Variants in MYH4 observed in about 807,000 individuals in gnomAD.
MYH4 encodes the protein myosin heavy chain 4.
A neutral mutation model predicts 229.9 loss-of-function variants in MYH4; 200 were observed. The ratio of observed to expected loss-of-function variants is 0.87; its 90% CI spans 0.78 to 0.98. MYH4 has a LOEUF of 0.98. MYH4 is among the 50% of genes least tolerant of loss of function. The pLI, the probability that MYH4 is intolerant of heterozygous loss-of-function variation, is 0.00. For missense variants in MYH4, 2,148 were observed against 2,332.6 expected (o/e 0.92, Z 1.63); for synonymous variants, 761 against 834.6 (o/e 0.91, Z 1.52).
chr17:10,459,380 C>T lies in MYH4; in HGVS notation c.1458G>A (p.Glu486=). 6.2e-7 allele frequency: 1 copy of T among 1,614,182 alleles called. No individual in the cohort carries two copies. Among genetic ancestry groups the T allele is most frequent in the Non-Finnish European group, 8.5e-7 (1 of 1,180,046 alleles). ...GGTGGTTGAAAAACTGTTGCAGTTT[C>T]TCGTTGGTGAAGTTGATGCACAGCT... ...LEQLCINFTN[E]KLQQFFNHHM... is the part of the protein sequence containing the mutation. Residue 486 remains glutamate (E), a synonymous_variant, in exon 15 of 40, where the codon GAG becomes GAA. Transcript: ENST00000255381.
At position 10,452,070 on chromosome 17, in the gene MYH4, A is replaced by G. The variant is rs781401443; in HGVS notation, c.3609T>C (p.Ser1203=). Residue 1203 remains serine (S), a synonymous_variant, in exon 27 of 40, where the codon AGT becomes AGC. Transcript: ENST00000255381. ...CAATCTGCTCCCCAAGCTCAGCCAC[A>G]CTATCTGCGTGCTTCTTCCGAAGAG... ...AAALRKKHAD[S]VAELGEQIDS... The G allele has an allele frequency of 5.6e-6, 9 of 1,613,820 alleles. No individual in the cohort carries two copies. In the South Asian group the frequency reaches 8.8e-5, roughly 16 times the overall value.
At chr17:10,462,672 C>A (rs1289510174) in intron 11 of MYH4, among the ~76,000 whole-genome samples, 193 bp downstream of exon 11, 2 of 152,170 alleles carry the variant, frequency 1.3e-5, no homozygotes, top group Non-Finnish European at 2.9e-5. Context: ...TTATTACAGG[C>A]AGTGAAAGCT....
chr17:10,462,366 A>G (rs1241114472), intron 11 of MYH4, among the ~76,000 whole-genome samples: 9 of 152,198 alleles, frequency 5.9e-5, no homozygotes, highest in Non-Finnish European at 1.3e-4. Flanking sequence ...GTGTTTTTGA[A>G]GTAGACAACC....
At position 10,460,969 on chromosome 17, in the gene MYH4, A is replaced by G. The variant is rs2072695590; in HGVS notation, c.1094T>C (p.Met365Thr). The change falls in exon 12 of 40, where the codon ATG (methionine) becomes ACG (threonine). Residue 365 changes from methionine to threonine, a missense_variant. Transcript: ENST00000255381. ...TTCCCTTTGCTTTTGCTTGAATTTCATGTTCCCATAATGCATCACGGCTCC... is the reference window on the plus strand; with the variant it reads ...TTCCCTTTGCTTTTGCTTGAATTTCGTGTTCCCATAATGCATCACGGCTCC... ...LTGAVMHYGN[M>T]KFKQKQREEQ... is the part of the protein sequence containing the mutation. 2.5e-6 allele frequency: 4 copies of G among 1,613,964 alleles called. No individual in the cohort carries two copies. Among genetic ancestry groups the G allele is most frequent in the Non-Finnish European group, 3.4e-6 (4 of 1,179,972 alleles).
At position 10,454,664 on chromosome 17, in the gene MYH4, T is replaced by G. The variant is rs1435235029; in HGVS notation, c.2582A>C (p.Glu861Ala). 3 of 1,614,236 alleles carry G rather than the reference T, an allele frequency of 1.9e-6. No homozygotes were observed. Among genetic ancestry groups the G allele is most frequent in the Non-Finnish European group, 2.5e-6 (3 of 1,180,040 alleles). The change falls in exon 22 of 40, where the codon GAG (glutamate) becomes GCG (alanine). Residue 861 changes from glutamate to alanine, a missense_variant. By Grantham distance (107) the Glu-to-Ala change is moderately radical. Coordinates refer to ENST00000255381, the MANE Select transcript of MYH4 (RefSeq NM_017533.2). ...KEMANMKEEF[E>A]KTKEELAKTE... ...CTTAGCCAGCTCTTCTTTGGTTTTC[T>G]CAAATTCTTCCTTCATGTTGGCCAT... is the stretch of plus-strand genomic sequence containing the variant.
In MYH4 at chr17:10,460,293, A is replaced by T. The variant is rs1306996841; in HGVS notation, c.1176T>A (p.Ser392Arg). 21 of 1,610,680 alleles carry T rather than the reference A, an allele frequency of 1.3e-5. No individual in the cohort carries two copies. The highest frequency in any genetic ancestry group is 1.7e-5 in the Non-Finnish European group (20 of 1,177,284). ...EVADKAAYLT[S>R]LNSADLLKSL... ...ATTTGAGCAGGTCAGCAGAGTTCAG[A>T]CTTGTCAGATAAGCAGCTTTGTCAG... The change falls in exon 13 of 40, where the codon AGT becomes AGA. Residue 392 changes from serine (S) to arginine (R), a missense_variant. By Grantham distance (110) the Ser-to-Arg change is moderately radical. Transcript: ENST00000255381.
At chr17:10,445,487 T>G (rs2072502218) in intron 35 of MYH4, 125 bp from the exon 36 acceptor site, 2 of 1,273,228 alleles carry the variant, frequency 1.6e-6, no homozygotes. Context: ...AAAACCAAAT[T>G]AGAAGATAAT....
In MYH4 at chr17:10,448,583, A is replaced by G. The variant is rs1294177548; in HGVS notation, c.4531+35T>C. 1.3e-5 allele frequency: 21 copies of G among 1,610,242 alleles called. 1 individual carries two copies. The highest frequency in any genetic ancestry group is 1.8e-5 in the Non-Finnish European group (21 of 1,178,422). On this transcript the variant is annotated intron_variant, in intron 32 of 39. Coordinates refer to ENST00000255381, the MANE Select transcript of MYH4 (RefSeq NM_017533.2). ...AGAAAAATTGAAAAGATGTCTCCCT[A>G]CCATTTTTGAAATAGAATGATTACA...
In MYH4 at chr17:10,452,443, C is replaced by A; in HGVS notation, c.3321G>T (p.Gln1107His). 1 of 1,614,118 alleles carries A rather than the reference C, an allele frequency of 6.2e-7. No homozygotes were observed. Among genetic ancestry groups the A allele is most frequent in the Non-Finnish European group, 8.5e-7 (1 of 1,180,006 alleles). ...GTAATTCTTTGATCTTCTTTTGTAG[C>A]TGTATTGCAAGGGCTTGTTCATCTT... Reference protein sequence around the residue: ...KIEDEQALAIQLQKKIKELQA... With the variant: ...KIEDEQALAIHLQKKIKELQA... The change falls in exon 26 of 40, where the codon CAG becomes CAT. Residue 1107 changes from glutamine (Q) to histidine (H), a missense_variant. Transcript: ENST00000255381.
chr17:10,453,420 G>A lies in MYH4; in HGVS notation c.2935-92C>T, dbSNP rs148255014. 1.7e-4 allele frequency: 266 copies of A among 1,592,454 alleles called. No homozygotes were observed. In the African/African-American group the frequency reaches 2.5e-3, roughly 15 times the overall value. On this transcript the variant is annotated intron_variant, in intron 23 of 39. Coordinates refer to ENST00000255381, the MANE Select transcript of MYH4 (RefSeq NM_017533.2). ...TGTAGTATCTTAGGATAATGTCAGCGTAAGATGGAAAATGAGAACCAGGAG... is the reference window on the plus strand; with the variant it reads ...TGTAGTATCTTAGGATAATGTCAGCATAAGATGGAAAATGAGAACCAGGAG...
intron 19 of MYH4, 60 bp from the exon 20 acceptor site, chr17:10,455,355 C>T (rs1305909095): frequency 5.3e-6 from 8 of 1,523,058 alleles, no homozygotes; most frequent in Non-Finnish European, 7.2e-6. Flanking sequence ...AACAGTAGAA[C>T]ATTTGGTAGC....
chr17:10,457,110 T>G (rs2072648270), intron 16 of MYH4, among the ~76,000 whole-genome samples: 1 of 152,196 alleles, frequency 6.6e-6, no homozygotes, highest in African/African-American at 2.4e-5. Context: ...TGGAGAACCT[T>G]GAAAGAACCA....
intron 19 of MYH4, 77 bp downstream of exon 19, chr17:10,455,537 A>G: frequency 6.5e-7 from 1 of 1,542,818 alleles, no homozygotes; most frequent in Non-Finnish European, 8.8e-7. Flanking sequence ...TTCAAGGAAA[A>G]GTTTAAAAAT....
At position 10,452,897 on chromosome 17, in the gene MYH4, G is replaced by A; in HGVS notation, c.3147C>T (p.Cys1049=). 1 of 1,602,392 alleles carries A rather than the reference G, an allele frequency of 6.2e-7. No homozygotes were observed. The highest frequency in any genetic ancestry group is 8.5e-7 in the Non-Finnish European group (1 of 1,177,642). The change falls in exon 25 of 40, where the codon TGC becomes TGT. Residue 1049 remains cysteine (C), a synonymous_variant. Transcript: ENST00000255381. ...TTCTCTTGGCTCTTTCTAAGTCCATGCAAAGTTTCTTTTCTTGTTCCAGAG... is the reference window on the plus strand; with the variant it reads ...TTCTCTTGGCTCTTTCTAAGTCCATACAAAGTTTCTTTTCTTGTTCCAGAG... ...EGSLEQEKKL[C]MDLERAKRKL... is the part of the protein sequence containing the mutation.
chr17:10,444,694 C>A lies in MYH4; in HGVS notation c.5577G>T (p.Glu1859Asp). ...RRVKELTYQT[E>D]EDRKNILRLQ... ...GCCTGAGAATATTCTTGCGGTCCTCCTCAGTCTGAAAGAGGTGCAAGTAGA... is the reference window on the plus strand; with the variant it reads ...GCCTGAGAATATTCTTGCGGTCCTCATCAGTCTGAAAGAGGTGCAAGTAGA... The change falls in exon 39 of 40, where the codon GAG becomes GAT. Residue 1859 changes from glutamate (E) to aspartate (D), a missense_variant. Glu to Asp is a conservative substitution (Grantham distance 45, BLOSUM62 2). Transcript: ENST00000255381. The A allele has an allele frequency of 6.2e-7, 1 of 1,613,858 alleles. No individual in the cohort carries two copies. Among genetic ancestry groups the A allele is most frequent in the Non-Finnish European group, 8.5e-7 (1 of 1,179,940 alleles).
rs183425834 is a variant in MYH4 at position 10,452,237 on chromosome 17, C to T, written c.3442G>A (p.Glu1148Lys). 6 of 1,613,980 alleles carry T rather than the reference C, an allele frequency of 3.7e-6. No individual in the cohort carries two copies. The highest frequency in any genetic ancestry group is 3.3e-5 in the Admixed American group (2 of 60,028). ...TCTTCCAGCCTCTCACTGATCTCCT[C>T]CAGCTCCCGGGAGAGGTCAGAGCGC... Reference protein sequence around the residue: ...KQRSDLSRELEEISERLEEAG... With the variant: ...KQRSDLSRELKEISERLEEAG... The change falls in exon 27 of 40, where the codon GAG becomes AAG. Residue 1148 changes from glutamate to lysine, a missense_variant. By Grantham distance (56) the Glu-to-Lys change is moderately conservative. Coordinates refer to ENST00000255381, the MANE Select transcript of MYH4 (RefSeq NM_017533.2).
At position 10,448,104 on chromosome 17, in the gene MYH4, C is replaced by T; in HGVS notation, c.4679G>A (p.Gly1560Asp). Residue 1560 changes from glycine to aspartate, a missense_variant, in exon 34 of 40, where the codon GGC (glycine) becomes GAC (aspartate). Transcript: ENST00000255381. Reference protein sequence around the residue: ...EAEASLEHEEGKILRIQLELN... With the variant: ...EAEASLEHEEDKILRIQLELN... ...CTCAAGTTGAATGCGAAGAATTTTG[C>T]CTTCTTCATGCTCAAGAGATGCCTT... The T allele has an allele frequency of 6.2e-7, 1 of 1,613,294 alleles. No homozygotes were observed. Among genetic ancestry groups the T allele is most frequent in the Non-Finnish European group, 8.5e-7 (1 of 1,179,668 alleles).
chr17:10,449,692 G>A (rs1232543579), intron 30 of MYH4, among the ~76,000 whole-genome samples: 1 of 152,066 alleles, frequency 6.6e-6, no homozygotes, highest in East Asian at 1.9e-4. Flanking sequence ...GGATTTGGTG[G>A]CCTTTGATAA....
intron 11 of MYH4, 21 bp downstream of exon 11, chr17:10,462,844 T>C: frequency 6.3e-7 from 1 of 1,583,094 alleles, no homozygotes; most frequent in Non-Finnish European, 8.6e-7. Context: ...TACTTTTTAC[T>C]ACTTTGTACC....
Sources: allele counts gnomAD v4.1 joint callset (sites outside exome capture counted in the v4.1 genomes callset), GRCh38; gene constraint gnomAD v4.1.1; transcripts MANE v1.5; gene names NCBI Gene and HGNC (gene_info 2026-07-23, HGNC 2026-07-21).